Variants in USP25 observed in about 807,000 individuals in gnomAD.
USP25 encodes the protein ubiquitin specific peptidase 25.
Under a neutral mutation model 158.5 loss-of-function variants are expected in USP25, and 85 were observed. The ratio of observed to expected loss-of-function variants is 0.54; its 90% CI spans 0.45 to 0.64. The LOEUF (loss-of-function observed/expected upper bound fraction) is 0.64. USP25 is among the 30% of genes least tolerant of loss of function. USP25 has a pLI of 0.00. For missense variants in USP25, 1,242 were observed against 1,327.3 expected, an observed-to-expected ratio of 0.94 and a Z score of 1.00; for synonymous variants, 464 against 460.4, an observed-to-expected ratio of 1.01 and a Z score of -0.10.
At chr21:15,761,762 T>C (rs2033740769) in intron 1 of USP25, among the ~76,000 whole-genome samples, 1 of 152,194 alleles carries the variant, frequency 6.6e-6, no homozygotes, top group South Asian at 2.1e-4. Context: ...AGGTCAGCTG[T>C]TCACTTGATC....
intron 18 of USP25, among the ~76,000 whole-genome samples, chr21:15,846,321 C>T (rs1301272354): frequency 2.0e-5 from 3 of 150,902 alleles, no homozygotes; most frequent in Non-Finnish European, 4.4e-5. Context: ...TGCCACCATG[C>T]CTGGCTAATC....
chr21:15,878,092 A>G (rs1270483546), intron 25 of USP25, 101 bp downstream of exon 25: 1 of 1,051,740 alleles, frequency 9.5e-7, no homozygotes. Flanking sequence ...TAAATACAAT[A>G]TTAAGTATTA....
intron 22 of USP25, among the ~76,000 whole-genome samples, chr21:15,869,374 T>C (rs1227996584): frequency 6.6e-6 from 1 of 152,200 alleles, no homozygotes; most frequent in Non-Finnish European, 1.5e-5. Flanking sequence ...ACTTTCCAAT[T>C]TATCCTACAT....
Position 15,816,229 on chromosome 21 carries a change from C to A in USP25, c.932-2469C>A, listed in dbSNP as rs1247911742. 2.0e-5 allele frequency among the ~76,000 whole-genome samples: 3 copies of A among 152,110 alleles called. No homozygotes were observed. The highest frequency in any genetic ancestry group is 4.4e-5 in the Non-Finnish European group (3 of 68,024). ...GTTTCCACTTTTGCTTCTTCCTCAT[C>A]TTCTCTTGCCTCTGCCATGTAAGAA... On this transcript the variant is annotated intron_variant, in intron 9 of 25. Transcript: ENST00000400183. This position sits in a 1 kb window ranked among gnomAD's most constrained non-coding sequence, Gnocchi z 4.0.
At chr21:15,742,971 T>G (rs918314948) in intron 1 of USP25, among the ~76,000 whole-genome samples, 3 of 152,134 alleles carry the variant, frequency 2.0e-5, no homozygotes, top group Non-Finnish European at 4.4e-5. Flanking sequence ...ACCCAGAAAC[T>G]CGGAGACGGC....
chr21:15,811,177 T>C lies in USP25; in HGVS notation c.898T>C (p.Tyr300His). 6.2e-7 allele frequency: 1 copy of C among 1,613,238 alleles called. No homozygotes were observed. The highest frequency in any genetic ancestry group is 8.5e-7 in the Non-Finnish European group (1 of 1,179,658). ...KPKNPMVELF[Y>H]GRFLAVGVLE... ...AAAGAACCCCATGGTAGAGTTGTTC[T>C]ATGGCAGATTCCTGGCTGTGGGAGT... The change falls in exon 9 of 26, where the codon TAT becomes CAT. Residue 300 changes from tyrosine (Y) to histidine (H), a missense_variant. This residue lies in a region of USP25 where 627 missense variants were observed against 701.4 expected (regional missense o/e 0.89). Coordinates refer to ENST00000400183, the MANE Select transcript of USP25 (RefSeq NM_001283041.3).
Position 15,879,716 on chromosome 21 carries a change from G to A in USP25, c.*1241G>A, listed in dbSNP as rs1488645535. On this transcript the variant is annotated 3_prime_UTR_variant, in exon 26 of 26. Coordinates refer to ENST00000400183, the MANE Select transcript of USP25 (RefSeq NM_001283041.3). Reference sequence around the variant, plus strand: ...AGTAAAATAGACCATTATACTATGTGTATGTTTGATACAGCGTCGCCAAAA... The same window carrying A: ...AGTAAAATAGACCATTATACTATGTATATGTTTGATACAGCGTCGCCAAAA... The A allele has an allele frequency of 6.6e-6, 1 of 152,530 alleles. No individual in the cohort carries two copies. The highest frequency in any genetic ancestry group is 1.5e-5 in the Non-Finnish European group (1 of 67,974). The allele number at this position is 152,530 out of a possible 1,614,324, so 9.4% of individuals were successfully genotyped here.
At chr21:15,779,075 C>A (rs544883580) in intron 4 of USP25, among the ~76,000 whole-genome samples, 5 of 151,896 alleles carry the variant, frequency 3.3e-5, no homozygotes, top group Non-Finnish European at 4.4e-5. Context: ...TATCTTAGTG[C>A]GACTTTTTAA....
chr21:15,826,263 C>T lies in USP25; in HGVS notation c.1364C>T (p.Ala455Val). ...CCCTTGGTAGATGTTCTTCAGTATG[C>T]ATTGGAATTTGCCTCAAGTAAACCT... Reference protein sequence around the residue: ...RFPLVDVLQYALEFASSKPVC... With the variant: ...RFPLVDVLQYVLEFASSKPVC... The change falls in exon 13 of 26, where the codon GCA becomes GTA. Residue 455 changes from alanine (A) to valine (V), a missense_variant. Ala to Val is a moderately conservative substitution (Grantham distance 64). Around this residue, in one of 3 missense-constraint regions of USP25, gnomAD observed 627 missense variants for 701.4 expected, o/e 0.89. Transcript: ENST00000400183. This position sits in a 1 kb window ranked among gnomAD's most constrained non-coding sequence, Gnocchi z 4.8. The T allele has an allele frequency of 1.2e-6, 2 of 1,614,052 alleles. No individual in the cohort carries two copies. Among genetic ancestry groups the T allele is most frequent in the Non-Finnish European group, 1.7e-6 (2 of 1,179,958 alleles).
intron 23 of USP25, 46 bp from the exon 24 acceptor site, chr21:15,874,357 A>G (rs2040014996): frequency 6.6e-7 from 1 of 1,518,250 alleles, no homozygotes; most frequent in Non-Finnish European, 8.9e-7. Context: ...CTTTGTTTCT[A>G]CAAAGGTGAA....
At position 15,866,353 on chromosome 21, in the gene USP25, C is replaced by A; in HGVS notation, c.2805+9C>A. The A allele has an allele frequency of 1.3e-6, 2 of 1,589,680 alleles. No individual in the cohort carries two copies. Among genetic ancestry groups the A allele is most frequent in the African/African-American group, 1.4e-5 (1 of 73,724 alleles). ...ACTTGGAGGAATATGAGGTAATGTGCTTTCTTAGAGGTTAAACTACAGATT... is the reference window on the plus strand; with the variant it reads ...ACTTGGAGGAATATGAGGTAATGTGATTTCTTAGAGGTTAAACTACAGATT... On this transcript the variant is annotated intron_variant, in intron 22 of 25. Transcript: ENST00000400183.
intron 20 of USP25, among the ~76,000 whole-genome samples, chr21:15,858,099 C>T (rs1165685708): frequency 1.3e-5 from 2 of 151,974 alleles, no homozygotes; most frequent in Non-Finnish European, 2.9e-5. Flanking sequence ...TATTGTAGAT[C>T]GTTTGTAATA....
At chr21:15,782,759 TC>T in intron 4 of USP25, among the ~76,000 whole-genome samples, 2 of 152,174 alleles carry the variant, frequency 1.3e-5, no homozygotes, top group Middle Eastern at 3.4e-3. Flanking sequence ...AAAAACCTCT[TC>T]CTATGAAAGC....
intron 1 of USP25, among the ~76,000 whole-genome samples, chr21:15,745,739 G>A (rs889302226): frequency 2.6e-5 from 4 of 152,078 alleles, no homozygotes; most frequent in African/African-American, 9.7e-5. Flanking sequence ...GTCTCCCAAA[G>A]TGCTGGGATT....
intron 5 of USP25, among the ~76,000 whole-genome samples, chr21:15,792,349 A>G (rs1174541508): frequency 1.3e-5 from 2 of 151,672 alleles, no homozygotes; most frequent in Non-Finnish European, 3.0e-5. Context: ...TTCTCGGTTG[A>G]CATTGATAAT....
rs537750678 is a variant in USP25, at chr21:15,784,092, T to G, written c.392+6065T>G. On this transcript the variant is annotated intron_variant, in intron 4 of 25. Transcript: ENST00000400183. Reference sequence around the variant, plus strand: ...GAGGAAATAATAGGAAATGAAAGAATGATTAATACCATGAAAATATGTGAA... The same window carrying G: ...GAGGAAATAATAGGAAATGAAAGAAGGATTAATACCATGAAAATATGTGAA... Among the ~76,000 whole-genome samples, 128 of 152,284 alleles carry G rather than the reference T, an allele frequency of 8.4e-4. No homozygotes were observed. The Middle Eastern group carries it at 0.01, about 12-fold the overall frequency.
intron 1 of USP25, among the ~76,000 whole-genome samples, chr21:15,739,154 A>C (rs527804768): frequency 1.3e-5 from 2 of 150,836 alleles, no homozygotes; most frequent in Non-Finnish European, 2.9e-5. Context: ...AGTTTTATGT[A>C]TAATTTCAGT....
chr21:15,856,206 C>A (rs547046618), intron 20 of USP25, among the ~76,000 whole-genome samples: 9 of 152,196 alleles, frequency 5.9e-5, no homozygotes, highest in Non-Finnish European at 1.0e-4. Flanking sequence ...GATAAAGAAC[C>A]AGTGTAATGT....
intron 1 of USP25, among the ~76,000 whole-genome samples, chr21:15,742,956 G>A (rs962336816): frequency 6.6e-6 from 1 of 152,206 alleles, no homozygotes; most frequent in Non-Finnish European, 1.5e-5. Context: ...GGGGAACGTG[G>A]TGGAACCCAG....
Sources: gnomAD v4.1 joint callset for allele counts (sites outside exome capture counted in the v4.1 genomes callset) on GRCh38, gnomAD v4.1.1 for gene constraint, gnomAD v4.1.1 regional missense constraint, Gnocchi (gnomAD v3.1) non-coding constraint, MANE v1.5 for transcripts, NCBI Gene and HGNC (gene_info 2026-07-23, HGNC 2026-07-21) for gene names.